Variants in MTCH1 observed in about 807,000 individuals in gnomAD.
The protein encoded by MTCH1 is mitochondrial carrier 1.
A neutral mutation model predicts 49.3 loss-of-function variants in MTCH1; 23 were observed. The observed-to-expected ratio is 0.47, with a 90% CI of 0.34 to 0.66. The LOEUF (loss-of-function observed/expected upper bound fraction) is 0.66. Among genes scored for constraint, MTCH1 ranks in the 30% least tolerant of loss-of-function variants. The pLI is 0.01. For synonymous variants in MTCH1, 229 were observed against 215.2 expected, an observed-to-expected ratio of 1.06 and a Z score of -0.56; for missense variants, 397 against 532.1, an observed-to-expected ratio of 0.75 and a Z score of 2.50.
chr6:36,979,278 C>T (rs1010088107), intron 2 of MTCH1, among the ~76,000 whole-genome samples: 1 of 152,212 alleles, frequency 6.6e-6, no homozygotes, highest in African/African-American at 2.4e-5. Context: ...ATAGAATAAA[C>T]TTAAATGTTA....
At position 36,982,183 on chromosome 6, in the gene MTCH1, A is replaced by T. The variant is rs987624828; in HGVS notation, c.322-511T>A. 9.9e-5 allele frequency among the ~76,000 whole-genome samples: 15 copies of T among 152,130 alleles called. No individual in the cohort carries two copies. Among genetic ancestry groups the T allele is most frequent in the African/African-American group, 3.4e-4 (14 of 41,514 alleles). On this transcript the variant is annotated intron_variant, in intron 1 of 11. Transcript: ENST00000373627. The surrounding 1 kb of genome is among the most constrained non-coding windows in gnomAD (Gnocchi z 4.1). The stretch of plus-strand genomic sequence containing the variant: ...AAATTTCTTACCAAATCTACTGCAG[A>T]CACCTCCATGTCTATTCCTCCCATT...
intron 2 of MTCH1, among the ~76,000 whole-genome samples, chr6:36,980,106 TC>T (rs1292976991): frequency 1.3e-5 from 2 of 152,058 alleles, no homozygotes; most frequent in Non-Finnish European, 2.9e-5. Flanking sequence ...AAATGGCGGG[TC>T]CCCTCTCTGA....
rs751880012 is a variant in MTCH1 at position 36,970,068 on chromosome 6, T to C, written c.1069A>G (p.Ile357Val). The change falls in exon 11 of 12, where the codon ATT (isoleucine) becomes GTT (valine). Residue 357 changes from isoleucine to valine, a missense_variant. Transcript: ENST00000373627. ...PPYSPVFKSW[I>V]HCWKYLSVQG... is the part of the protein sequence containing the mutation. ...ACACTCAGGTACTTCCAGCAGTGAA[T>C]CCAGGATTTGAACACTGGGGAGTAA... 6.2e-7 allele frequency: 1 copy of C among 1,614,150 alleles called. No individual in the cohort carries two copies. Among genetic ancestry groups the C allele is most frequent in the Non-Finnish European group, 8.5e-7 (1 of 1,180,028 alleles).
Position 36,970,005 on chromosome 6 carries a change from C to T in MTCH1, c.1098+34G>A, listed in dbSNP as rs775801823. On this transcript the variant is annotated intron_variant, in intron 11 of 11. Coordinates refer to ENST00000373627, the MANE Select transcript of MTCH1 (RefSeq NM_001271641.2). ...TTCAGCTGAAGGATGTAGCAAAGAA[C>T]AGGAAAGGCCTCCGCCGTCCAGTGC... 1.9e-6 allele frequency: 3 copies of T among 1,611,858 alleles called. No homozygotes were observed. In the South Asian group the frequency reaches 3.3e-5, roughly 18 times the overall value.
chr6:36,970,974 T>G, intron 8 of MTCH1: 1 of 510,916 alleles, frequency 2.0e-6, no homozygotes, highest in East Asian at 3.6e-5. Flanking sequence ...TGAGCCCGTG[T>G]CTGCCTGATC....
chr6:36,975,782 T>C, intron 6 of MTCH1, 65 bp from the exon 7 acceptor site: 1 of 1,494,608 alleles, frequency 6.7e-7, no homozygotes, highest in Non-Finnish European at 9.3e-7. Context: ...CACCCGTTGG[T>C]GTGGGGCTGA....
At chr6:36,986,213 G>A (rs529296656), upstream of MTCH1, 36 of 1,394,016 alleles carry the variant, frequency 2.6e-5, no homozygotes, top group East Asian at 2.8e-4. Context: ...ACGTGACGGG[G>A]CCACGCCCCC....
At chr6:36,973,336 C>A (rs1485919580) in intron 7 of MTCH1, among the ~76,000 whole-genome samples, 2 of 152,160 alleles carry the variant, frequency 1.3e-5, no homozygotes, top group African/African-American at 4.8e-5. Context: ...GTGCTGAGGG[C>A]AAAAGGCCAG....
rs777792470 is a variant in MTCH1, at chr6:36,977,026, T to C, written c.701+173A>G. On this transcript the variant is annotated intron_variant, in intron 6 of 11. Transcript: ENST00000373627. The surrounding 1 kb of genome is among the most constrained non-coding windows in gnomAD (Gnocchi z 5.4). ...TTGATAAGAGATGACGAAGAGAAAA[T>C]GACCCTGGACAGACTATTGAAGCCA... is the stretch of plus-strand genomic sequence containing the variant. 6.6e-6 allele frequency among the ~76,000 whole-genome samples: 1 copy of C among 152,040 alleles called. No individual in the cohort carries two copies. The highest frequency in any genetic ancestry group is 1.5e-5 in the Non-Finnish European group (1 of 68,014).
chr6:36,980,949 T>G (rs147703028), intron 2 of MTCH1, among the ~76,000 whole-genome samples: 21 of 152,236 alleles, frequency 1.4e-4, no homozygotes, highest in African/African-American at 4.8e-4. Flanking sequence ...TTGGGGAGCT[T>G]GCAGGAAGGC....
At chr6:36,970,149 G>A (rs147355456) in intron 10 of MTCH1, 35 bp from the exon 11 acceptor site, 2 of 1,604,008 alleles carry the variant, frequency 1.2e-6, no homozygotes, top group African/African-American at 2.7e-5. Flanking sequence ...GCAGAGAACA[G>A]TGGAAGACAG....
rs1018211775 is a variant in MTCH1, at chr6:36,982,959, G to A, written c.322-1287C>T. On this transcript the variant is annotated intron_variant, in intron 1 of 11. Transcript: ENST00000373627. This position sits in a 1 kb window ranked among gnomAD's most constrained non-coding sequence, Gnocchi z 4.1. ...GAGAGGATTTGGCCTGCAGCTGTGG[G>A]AGGCAGTAGAAGTGGCAAGTTAGAA... Among the ~76,000 whole-genome samples, 1 of 152,236 alleles carries A rather than the reference G, an allele frequency of 6.6e-6. No homozygotes were observed. The highest frequency in any genetic ancestry group is 1.9e-4 in the East Asian group (1 of 5,200).
rs963123343 is a variant in MTCH1 at position 36,986,131 on chromosome 6, C to G, written c.43G>C (p.Gly15Arg). Residue 15 changes from glycine to arginine, a missense_variant, in exon 1 of 12, where the codon GGT becomes CGT. Coordinates refer to ENST00000373627, the MANE Select transcript of MTCH1 (RefSeq NM_001271641.2). ...CCGGCTCCCGCCATCCCCGCGGCACCGCCGCGAGCCCAGGGCGCCACTTCC... is the reference window on the plus strand; with the variant it reads ...CCGGCTCCCGCCATCCCCGCGGCACGGCCGCGAGCCCAGGGCGCCACTTCC... Reference protein sequence around the residue: ...DPEVAPWARGGAAGMAGAGAG... With the variant: ...DPEVAPWARGRAAGMAGAGAG... 7 of 1,435,238 alleles carry G rather than the reference C, an allele frequency of 4.9e-6. No homozygotes were observed. In the Admixed American group the frequency reaches 1.6e-4, roughly 32 times the overall value. The allele number at this position is 1,435,238 out of a possible 1,614,324, so 88.9% of individuals were successfully genotyped here. A position where few individuals can be genotyped will look rare whatever the true frequency, so the allele number is the denominator to read the frequency against.
chr6:36,985,037 C>A (rs1035692445), intron 1 of MTCH1, among the ~76,000 whole-genome samples: 5 of 151,470 alleles, frequency 3.3e-5, no homozygotes, highest in Non-Finnish European at 7.4e-5. Context: ...CTAGACAAAT[C>A]GCTGCCACTC....
chr6:36,969,294 C>G, intron 11 of MTCH1: 5 of 985,436 alleles, frequency 5.1e-6, no homozygotes, highest in Non-Finnish European at 6.0e-6. Context: ...GACACACTCA[C>G]GCTGACCAGG....
chr6:36,978,875 CTTTTTT>C (rs11322816), intron 2 of MTCH1, among the ~76,000 whole-genome samples: 1 of 100,420 alleles, frequency 1.0e-5, no homozygotes, highest in African/African-American at 4.4e-5. Flanking sequence ...TCCCTCCCTC[CTTTTTT>C]TTTTTTTTTT....
chr6:36,978,027 T>C, intron 4 of MTCH1, 51 bp downstream of exon 4: 1 of 1,499,214 alleles, frequency 6.7e-7, no homozygotes, highest in Non-Finnish European at 9.3e-7. Flanking sequence ...GGGTGAGAAA[T>C]CATCAGGCTC....
upstream of MTCH1, chr6:36,986,252 C>T: frequency 3.9e-6 from 5 of 1,281,276 alleles, no homozygotes; most frequent in Non-Finnish European, 5.0e-6. Context: ...GGGGCCGGGG[C>T]GCACCACTCC....
At chr6:36,980,487 C>A (rs1265135845) in intron 2 of MTCH1, among the ~76,000 whole-genome samples, 1 of 152,230 alleles carries the variant, frequency 6.6e-6, no homozygotes, top group African/African-American at 2.4e-5. Context: ...ACTACGCTGA[C>A]AATTTTTAAG....
Sources: allele counts gnomAD v4.1 joint callset (sites outside exome capture counted in the v4.1 genomes callset), GRCh38; gene constraint gnomAD v4.1.1; non-coding constraint Gnocchi (gnomAD v3.1); transcripts MANE v1.5; gene names NCBI Gene and HGNC (gene_info 2026-07-23, HGNC 2026-07-21).